HMCN2: variants seen among roughly 807,000 people sequenced by gnomAD.
HMCN2 encodes the protein hemicentin 2.
In HMCN2, 325 loss-of-function variants were observed where a neutral mutation model predicts 377.5. The observed-to-expected ratio is 0.86, with a 90% CI of 0.79 to 0.94. The LOEUF (loss-of-function observed/expected upper bound fraction) is 0.94. Among genes scored for constraint, HMCN2 ranks in the 40% least tolerant of loss-of-function variants. The pLI is 0.00. For missense variants in HMCN2, 4,543 were observed against 4,725.3 expected, an observed-to-expected ratio of 0.96 and a Z score of 1.13; for synonymous variants, 2,007 against 2,046.8, an observed-to-expected ratio of 0.98 and a Z score of 0.53.
intron 83 of HMCN2, among the ~76,000 whole-genome samples, chr9:130,407,918 A>G (rs1193672865): frequency 6.6e-6 from 1 of 152,162 alleles, no homozygotes; most frequent in Non-Finnish European, 1.5e-5. Flanking sequence ...AGGCCTAGGC[A>G]TCGGTATTTT....
Position 130,328,322 on chromosome 9 carries a change from G to A in HMCN2, c.3359+847G>A, listed in dbSNP as rs991737551. Among the ~76,000 whole-genome samples the A allele has an allele frequency of 2.6e-5, 4 of 152,272 alleles. No homozygotes were observed. In the South Asian group the frequency reaches 8.3e-4, roughly 32 times the overall value. On this transcript the variant is annotated intron_variant, in intron 22 of 97. Coordinates refer to ENST00000683500, the MANE Select transcript of HMCN2 (RefSeq NM_001291815.2). ...GCTCTATGTTGTAGGGTGGGGGTGT[G>A]GCGGGGGGCCGTGGGAGCCCACAGC...
chr9:130,314,252 G>A (rs1046955499), intron 15 of HMCN2, among the ~76,000 whole-genome samples: 9 of 152,184 alleles, frequency 5.9e-5, no homozygotes, highest in African/African-American at 2.2e-4. Context: ...GAAATGGGCT[G>A]GGCTCTGTGG....
intron 16 of HMCN2, among the ~76,000 whole-genome samples, 167 bp from the exon 17 acceptor site, chr9:130,320,189 G>A (rs1300107454): frequency 6.6e-6 from 1 of 152,272 alleles, no homozygotes; most frequent in South Asian, 2.1e-4. Context: ...AAGGTCCAGC[G>A]GTGTCCCTCA....
intron 95 of HMCN2, 94 bp from the exon 96 acceptor site, chr9:130,431,273 C>T: frequency 7.8e-7 from 1 of 1,283,058 alleles, no homozygotes. Context: ...GCTCCAGAGC[C>T]CAGCGGGCAG....
intron 4 of HMCN2, among the ~76,000 whole-genome samples, chr9:130,293,571 G>A (rs1554930860): frequency 6.6e-6 from 1 of 152,036 alleles, no homozygotes; most frequent in Non-Finnish European, 1.5e-5. Flanking sequence ...AAAGGAGGAG[G>A]TGTGAGCTGG....
chr9:130,380,808 A>AG (rs1398881235), intron 54 of HMCN2, among the ~76,000 whole-genome samples: 1 of 151,270 alleles, frequency 6.6e-6, no homozygotes, highest in Non-Finnish European at 1.5e-5. Flanking sequence ...AAAAAAAAAA[A>AG]GAAGGAGGCC....
intron 15 of HMCN2, among the ~76,000 whole-genome samples, chr9:130,318,720 C>T (rs1241606778): frequency 2.6e-5 from 4 of 152,118 alleles, no homozygotes; most frequent in African/African-American, 7.2e-5. Flanking sequence ...TTTAGCCAGT[C>T]GTCCTGGGGT....
rs192456515 is a variant in HMCN2 at position 130,393,430 on chromosome 9, G to A, written c.10234+121G>A. The A allele has an allele frequency of 3.5e-5, 19 of 543,846 alleles. No individual in the cohort carries two copies. In the Admixed American group the frequency reaches 4.4e-4, roughly 12 times the overall value. The allele number at this position is 543,846 out of a possible 1,614,324, so 33.7% of individuals were successfully genotyped here. On this transcript the variant is annotated intron_variant, in intron 67 of 97. Transcript: ENST00000683500. The surrounding 1 kb of genome is among the most constrained non-coding windows in gnomAD (Gnocchi z 5.2). ...GGGCCCTGGGGGCGTCGAGGAGAGC[G>A]GACACTGCGGCTCAGTCTCTGACTC...
In HMCN2 at chr9:130,303,279, C is replaced by A. The variant is rs569718381; in HGVS notation, c.1422-208C>A. On this transcript the variant is annotated intron_variant, in intron 9 of 97. Coordinates refer to ENST00000683500, the MANE Select transcript of HMCN2 (RefSeq NM_001291815.2). The surrounding 1 kb of genome is among the most constrained non-coding windows in gnomAD (Gnocchi z 5.2). ...TGTGTCAGGGCAGGAAGGATGGGAGCCCAGGACTCAGAGAGAGGAAGGGCC... is the reference window on the plus strand; with the variant it reads ...TGTGTCAGGGCAGGAAGGATGGGAGACCAGGACTCAGAGAGAGGAAGGGCC... 1.6e-4 allele frequency among the ~76,000 whole-genome samples: 25 copies of A among 152,268 alleles called. No individual in the cohort carries two copies. The highest frequency in any genetic ancestry group is 6.0e-4 in the African/African-American group (25 of 41,554).
At chr9:130,266,987 C>G (rs180945306) in intron 1 of HMCN2, among the ~76,000 whole-genome samples, 140 of 152,068 alleles carry the variant, frequency 9.2e-4, no homozygotes, top group African/African-American at 3.4e-3. Flanking sequence ...GCTCTGTCAC[C>G]CAGGCTGGAG....
At chr9:130,286,863 C>A (rs1187266181) in intron 4 of HMCN2, among the ~76,000 whole-genome samples, 1 of 152,176 alleles carries the variant, frequency 6.6e-6, no homozygotes, top group Non-Finnish European at 1.5e-5. Context: ...ACCTGCCACT[C>A]AGCCTTGCTC....
Position 130,393,645 on chromosome 9 carries a change from C to G in HMCN2, c.10235-97C>G, listed in dbSNP as rs1285457498. 1.4e-5 allele frequency: 16 copies of G among 1,130,108 alleles called. No individual in the cohort carries two copies. Among genetic ancestry groups the G allele is most frequent in the Non-Finnish European group, 1.8e-5 (16 of 894,742 alleles). 70.0% of individuals were successfully genotyped at this position (1,130,108 alleles called of 1,614,324 possible). On this transcript the variant is annotated intron_variant, in intron 67 of 97. Coordinates refer to ENST00000683500, the MANE Select transcript of HMCN2 (RefSeq NM_001291815.2). The surrounding 1 kb of genome is among the most constrained non-coding windows in gnomAD (Gnocchi z 5.2). ...GGCACCTCACCTGGCCTTGGGGGAC[C>G]AGGGCGGCTTCCTGGAAGAGGTGAT...
chr9:130,265,823 G>C lies in HMCN2; in HGVS notation c.-56G>C, dbSNP rs1361882762. The C allele has an allele frequency of 7.8e-5, 24 of 307,174 alleles. No homozygotes were observed. Among genetic ancestry groups the C allele is most frequent in the African/African-American group, 5.7e-4 (24 of 42,380 alleles). 19.0% of individuals were successfully genotyped at this position (307,174 alleles called of 1,614,324 possible). ...AGCCGCCGTGTGCACCGGGGCGGCC[G>C]GCTAGCTCCGACCTGCGCCTCCACC... is the stretch of plus-strand genomic sequence containing the variant. On this transcript the variant is annotated 5_prime_UTR_variant, in exon 1 of 98. Transcript: ENST00000683500.
chr9:130,352,840 G>T (rs1839806560), intron 30 of HMCN2, 87 bp from the exon 31 acceptor site: 1 of 1,096,072 alleles, frequency 9.1e-7, no homozygotes, highest in Middle Eastern at 2.7e-4. Flanking sequence ...GTGTCTTGTG[G>T]CCCAAAGGCA....
intron 28 of HMCN2, 59 bp downstream of exon 28, chr9:130,349,190 T>G: frequency 7.8e-7 from 1 of 1,276,954 alleles, no homozygotes; most frequent in Non-Finnish European, 1.0e-6. Context: ...GCCCCAACTC[T>G]TGCAGGCACA....
At chr9:130,392,921 G>T (rs971456105) in intron 66 of HMCN2, among the ~76,000 whole-genome samples, 1 of 151,876 alleles carries the variant, frequency 6.6e-6, no homozygotes, top group Non-Finnish European at 1.5e-5. Context: ...GCGTGAACCC[G>T]GGAGGCGGAG....
chr9:130,405,945 T>A lies in HMCN2; in HGVS notation c.12340-10T>A. 2.3e-6 allele frequency: 3 copies of A among 1,280,196 alleles called. No individual in the cohort carries two copies. Among genetic ancestry groups the A allele is most frequent in the African/African-American group, 1.5e-5 (1 of 65,804 alleles). The allele number at this position is 1,280,196 out of a possible 1,614,324, so 79.3% of individuals were successfully genotyped here. A position where few individuals can be genotyped will look rare whatever the true frequency, so the allele number is the denominator to read the frequency against. On this transcript the variant is annotated splice_polypyrimidine_tract_variant and intron_variant, in intron 81 of 97. Transcript: ENST00000683500. Reference sequence around the variant, plus strand: ...GCAGTTCTCCGGCCAACCCCTTTCTTTGCTCACAGGGCCAGGACGCAGGCA... The same window carrying A: ...GCAGTTCTCCGGCCAACCCCTTTCTATGCTCACAGGGCCAGGACGCAGGCA...
rs1554937010 is a variant in HMCN2, at chr9:130,306,876, A to G, written c.2024A>G (p.Tyr675Cys). Residue 675 changes from tyrosine (Y) to cysteine (C), a missense_variant, in exon 13 of 98, where the codon TAC (tyrosine) becomes TGC (cysteine). Coordinates refer to ENST00000683500, the MANE Select transcript of HMCN2 (RefSeq NM_001291815.2). ...QGVAPEDAGN[Y>C]SCQATNEVGT... ...GTAGCCCCAGAGGATGCTGGGAATT[A>G]CAGCTGCCAGGCGACTAATGAGGTT... 4.2e-6 allele frequency: 2 copies of G among 471,108 alleles called. No individual in the cohort carries two copies. Among genetic ancestry groups the G allele is most frequent in the Admixed American group, 2.3e-5 (1 of 42,586 alleles). The allele number at this position is 471,108 out of a possible 1,614,324, so 29.2% of individuals were successfully genotyped here. A position where few individuals can be genotyped will look rare whatever the true frequency, so the allele number is the denominator to read the frequency against.
rs1188613775 is a variant in HMCN2, at chr9:130,296,808, A to C, written c.1012+14A>C. The C allele has an allele frequency of 6.4e-6, 3 of 469,798 alleles. No individual in the cohort carries two copies. Among genetic ancestry groups the C allele is most frequent in the Non-Finnish European group, 1.3e-5 (3 of 226,782 alleles). 29.1% of individuals were successfully genotyped at this position (469,798 alleles called of 1,614,324 possible). ...GGCCCTTGCAAGGTACAGTACCCCG[A>C]CCCTACAGACAGTGCTGAGCTGCCT... On this transcript the variant is annotated intron_variant, in intron 7 of 97. Coordinates refer to ENST00000683500, the MANE Select transcript of HMCN2 (RefSeq NM_001291815.2).
Sources: gnomAD v4.1 joint callset for allele counts (sites outside exome capture counted in the v4.1 genomes callset) on GRCh38, gnomAD v4.1.1 for gene constraint, Gnocchi (gnomAD v3.1) non-coding constraint, MANE v1.5 for transcripts, NCBI Gene and HGNC (gene_info 2026-07-23, HGNC 2026-07-21) for gene names.